The following FBP2 variants were observed in gnomAD, a reference collection of about 807,000 sequenced individuals.
FBP2 encodes fructose-1,6-bisphosphatase isozyme 2.
Under a neutral mutation model 31.6 loss-of-function variants are expected in FBP2, and 27 were observed. The observed-to-expected ratio is 0.85, with a 90% CI of 0.63 to 1.18. The LOEUF (loss-of-function observed/expected upper bound fraction) is 1.18. Among genes scored for constraint, FBP2 ranks in the 50% most tolerant of loss-of-function variants. The probability of loss-of-function intolerance (pLI) is 0.00; values close to 1 mark genes in which losing one functional copy is unlikely to be tolerated. For missense variants in FBP2, 421 were observed against 436.1 expected (o/e 0.97, Z 0.31); for synonymous variants, 168 against 179.8 (o/e 0.93, Z 0.53).
At position 94,559,312 on chromosome 9, in the gene FBP2, G is replaced by A. The variant is rs371689968; in HGVS notation, c.826-180C>T. On this transcript the variant is annotated intron_variant, in intron 6 of 6. Coordinates refer to ENST00000375337, the MANE Select transcript of FBP2 (RefSeq NM_003837.4). ...AGCCTACAGCAGGCCAGATGCATCAGATGGCACTCATCCAGAAGCCTTGGG... is the reference window on the plus strand; with the variant it reads ...AGCCTACAGCAGGCCAGATGCATCAAATGGCACTCATCCAGAAGCCTTGGG... 5.2e-3 allele frequency among the ~76,000 whole-genome samples: 788 copies of A among 152,326 alleles called. 5 individuals carry two copies. Among genetic ancestry groups the A allele is most frequent in the Middle Eastern group, 0.01 (3 of 294 alleles).
chr9:94,593,515 C>T (rs1439299571), intron 1 of FBP2, 42 bp downstream of exon 1: 11 of 1,575,128 alleles, frequency 7.0e-6, no homozygotes, highest in Non-Finnish European at 9.5e-6. Flanking sequence ...CCTGCCTGGG[C>T]CTGGGGTGCT....
At chr9:94,561,426 G>A (rs984034004) in intron 6 of FBP2, among the ~76,000 whole-genome samples, 4 of 137,936 alleles carry the variant, frequency 2.9e-5, no homozygotes, top group East Asian at 2.4e-4. Context: ...GCAGTGGCGC[G>A]ATCTCGGCTC....
Position 94,567,402 on chromosome 9 carries a change from A to G in FBP2, c.573T>C (p.Leu191=). The part of the protein sequence containing the change: ...GVDLFMLDPA[L]GEFVLVEKDV... ...CTTTTTCCACCAGGACAAATTCACC[A>G]AGAGCCTAGCAACATGAAGAGAGAT... is the stretch of plus-strand genomic sequence containing the variant. The change falls in exon 5 of 7, where the codon CTT becomes CTC. Residue 191 remains leucine (L), a synonymous_variant. Transcript: ENST00000375337. The G allele has an allele frequency of 6.2e-7, 1 of 1,614,064 alleles. No individual in the cohort carries two copies. Among genetic ancestry groups the G allele is most frequent in the Non-Finnish European group, 8.5e-7 (1 of 1,180,026 alleles).
intron 3 of FBP2, among the ~76,000 whole-genome samples, chr9:94,572,745 T>C (rs539989109): frequency 3.3e-5 from 5 of 152,318 alleles, no homozygotes; most frequent in Middle Eastern, 3.4e-3. Flanking sequence ...CACACATATA[T>C]ACATGCATAC....
chr9:94,559,202 C>G, intron 6 of FBP2, 70 bp from the exon 7 acceptor site: 1 of 1,413,202 alleles, frequency 7.1e-7, no homozygotes, highest in South Asian at 1.3e-5. Context: ...GCCCCTAAAG[C>G]TGGGGGAGGA....
Position 94,565,385 on chromosome 9 carries a change from A to AAG in FBP2, c.705+1883_705+1884dup, listed in dbSNP as rs1554745859. 1.3e-4 allele frequency among the ~76,000 whole-genome samples: 18 copies of AAG among 134,914 alleles called. 5 individuals carry two copies. The highest frequency in any genetic ancestry group is 6.2e-4 in the East Asian group (3 of 4,828). The allele number at this position is 134,914 out of a possible 152,430, so 88.5% of individuals were successfully genotyped here. A position where few individuals can be genotyped will look rare whatever the true frequency, so the allele number is the denominator to read the frequency against. ...CTCCACCTCAAAAAAAAAAAAAAAA[A>AAG]AGATGTTCCCAGTGGGGTTTTTGAG... On this transcript the variant is annotated intron_variant, in intron 5 of 6. Transcript: ENST00000375337.
chr9:94,561,455 C>A (rs1263747807), intron 6 of FBP2, among the ~76,000 whole-genome samples: 3 of 149,598 alleles, frequency 2.0e-5, no homozygotes, highest in African/African-American at 7.4e-5. Flanking sequence ...CTCCGCCTCC[C>A]AGGTTCACGC....
intron 5 of FBP2, among the ~76,000 whole-genome samples, chr9:94,565,385 A>AAAAAAAAAAAAAAG (rs773350863): frequency 7.4e-6 from 1 of 134,916 alleles, no homozygotes; most frequent in Non-Finnish European, 1.6e-5. Context: ...AAAAAAAAAA[A>AAAAAAAAAAAAAAG]AGATGTTCCC....
chr9:94,566,928 A>G lies in FBP2; in HGVS notation c.705+342T>C, dbSNP rs577231118. Among the ~76,000 whole-genome samples the G allele has an allele frequency of 2.7e-5, 4 of 150,362 alleles. No individual in the cohort carries two copies. In the East Asian group the frequency reaches 7.8e-4, roughly 29 times the overall value. ...CATATAATTATTTATTCTAAAAGCA[A>G]ATGCAACTGAGTGAGTCTATAGGTT... On this transcript the variant is annotated intron_variant, in intron 5 of 6. Transcript: ENST00000375337.
Position 94,558,869 on chromosome 9 carries a change from T to G in FBP2, c.*69A>C. Reference sequence around the variant, plus strand: ...GTATACTCATAGCTACCATCTCTGTTTATCGTTCATTTAGGGTCCTTAGAC... The same window carrying G: ...GTATACTCATAGCTACCATCTCTGTGTATCGTTCATTTAGGGTCCTTAGAC... On this transcript the variant is annotated 3_prime_UTR_variant, in exon 7 of 7. Transcript: ENST00000375337. 1 of 1,419,300 alleles carries G rather than the reference T, an allele frequency of 7.0e-7. No homozygotes were observed. The highest frequency in any genetic ancestry group is 9.9e-7 in the Non-Finnish European group (1 of 1,006,882). The allele number at this position is 1,419,300 out of a possible 1,614,324, so 87.9% of individuals were successfully genotyped here. A position where few individuals can be genotyped will look rare whatever the true frequency, so the allele number is the denominator to read the frequency against.
At chr9:94,586,683 A>G (rs1218018517) in intron 2 of FBP2, 2 of 152,182 alleles carry the variant, frequency 1.3e-5, no homozygotes, top group East Asian at 3.9e-4. Context: ...CCTCTTGTCT[A>G]TTGACTATAT....
chr9:94,559,249 C>T (rs992779498), intron 6 of FBP2, 117 bp from the exon 7 acceptor site: 44 of 823,404 alleles, frequency 5.3e-5, no homozygotes, highest in Non-Finnish European at 7.4e-5. Context: ...CTAGCATGAG[C>T]GCACCATGCA....
At chr9:94,582,283 A>T (rs1189223480) in intron 3 of FBP2, among the ~76,000 whole-genome samples, 3 of 152,124 alleles carry the variant, frequency 2.0e-5, no homozygotes, top group Non-Finnish European at 2.9e-5. Context: ...TTCAATACAC[A>T]TATGTCAGGA....
intron 1 of FBP2, among the ~76,000 whole-genome samples, chr9:94,590,270 A>G (rs144510183): frequency 4.2e-4 from 64 of 152,308 alleles, no homozygotes; most frequent in African/African-American, 1.5e-3. Context: ...TAAAGGAATG[A>G]TCCCCCACGG....
chr9:94,584,552 G>A (rs1365970315), intron 3 of FBP2, 25 bp downstream of exon 3: 10 of 1,465,948 alleles, frequency 6.8e-6, no homozygotes, highest in Middle Eastern at 1.7e-4. Flanking sequence ...GGAAGGAGGT[G>A]TAAAATGTCA....
intron 4 of FBP2, chr9:94,567,924 C>T (rs612115): frequency 0.49 from 73,982 of 152,372 alleles, 18,568 homozygotes; most frequent in African/African-American, 0.6. Context: ...GTCAGGAGAT[C>T]GAGACCATCC....
intron 3 of FBP2, among the ~76,000 whole-genome samples, chr9:94,582,681 G>T (rs1281836110): frequency 5.3e-5 from 8 of 151,426 alleles, no homozygotes; most frequent in Admixed American, 2.6e-4. Flanking sequence ...CCAAGTAGCT[G>T]GGACTACAGG....
intron 2 of FBP2, among the ~76,000 whole-genome samples, chr9:94,586,260 A>T (rs181691831): frequency 6.6e-6 from 1 of 152,280 alleles, no homozygotes; most frequent in East Asian, 1.9e-4. Context: ...CTGTAATCCC[A>T]GCTACTCAGG....
intron 1 of FBP2, 28 bp from the exon 2 acceptor site, chr9:94,587,497 A>C: frequency 6.2e-7 from 1 of 1,612,226 alleles, no homozygotes; most frequent in Non-Finnish European, 8.5e-7. Flanking sequence ...TGAATGAGGA[A>C]GTCACTAGGG....
Sources: gnomAD v4.1 joint callset for allele counts (sites outside exome capture counted in the v4.1 genomes callset) on GRCh38, gnomAD v4.1.1 for gene constraint, MANE v1.5 for transcripts, NCBI Gene and HGNC (gene_info 2026-07-23, HGNC 2026-07-21) for gene names.